The following THNSL1 variants were observed in gnomAD, a reference collection of about 807,000 sequenced individuals.
THNSL1 encodes the protein threonine synthase like 1, also known as threonine synthase-like 1.
THNSL1 carries 48 observed loss-of-function variants against 50.4 expected under a neutral mutation model. The observed-to-expected ratio is 0.95, with a 90% CI of 0.76 to 1.21. The LOEUF is 1.21. Among genes scored for constraint, THNSL1 ranks in the 50% most tolerant of loss-of-function variants. THNSL1 has a pLI of 0.00. For synonymous variants in THNSL1, 309 were observed against 306.1 expected (o/e 1.01, Z -0.10); for missense variants, 896 against 871.7 (o/e 1.03, Z -0.35).
the THNSL1 span, among the ~76,000 whole-genome samples, chr10:24,972,152 A>T: frequency 6.6e-6 from 1 of 151,546 alleles, no homozygotes; most frequent in African/African-American, 2.4e-5. Flanking sequence ...AGATGGCGCC[A>T]TTGCACTCCA....
At chr10:24,956,935 G>GCC in the THNSL1 span, among the ~76,000 whole-genome samples, 1 of 152,162 alleles carries the variant, frequency 6.6e-6, no homozygotes, top group African/African-American at 2.4e-5. Context: ...GATCTAGGTT[G>GCC]CATGCTCCTT....
chr10:24,988,433 A>AT, the THNSL1 span, among the ~76,000 whole-genome samples: 1,309 of 145,506 alleles, frequency 9.0e-3, 22 homozygotes, highest in African/African-American at 0.03. Context: ...AGTAAAATTT[A>AT]TTTTTTATAT....
intron 1 of THNSL1, among the ~76,000 whole-genome samples, chr10:25,017,802 T>C (rs1850637539): frequency 6.6e-6 from 1 of 152,146 alleles, no homozygotes; most frequent in African/African-American, 2.4e-5. Flanking sequence ...CGCCCTTGAG[T>C]ATTTTATGTT....
the THNSL1 span, among the ~76,000 whole-genome samples, chr10:24,973,788 C>G: frequency 4.6e-5 from 7 of 152,122 alleles, no homozygotes; most frequent in Non-Finnish European, 8.8e-5. Context: ...GAGTCTCCCT[C>G]TTTCGCCCAG....
chr10:24,979,494 A>G, the THNSL1 span, among the ~76,000 whole-genome samples: 7 of 151,900 alleles, frequency 4.6e-5, no homozygotes, highest in Non-Finnish European at 8.8e-5. Flanking sequence ...CCTTTCTTGA[A>G]TTTTCTTGGC....
chr10:24,968,157 C>A, the THNSL1 span, among the ~76,000 whole-genome samples: 1 of 152,070 alleles, frequency 6.6e-6, no homozygotes, highest in Non-Finnish European at 1.5e-5. Context: ...CAAGTAAGAG[C>A]TTGGGCTATC....
At chr10:25,003,181 A>AATTAATTT in the THNSL1 span, among the ~76,000 whole-genome samples, 2 of 146,878 alleles carry the variant, frequency 1.4e-5, no homozygotes, top group African/African-American at 4.9e-5. Context: ...TTAATTAATT[A>AATTAATTT]ATTTATTTAT....
At chr10:24,988,636 C>G in the THNSL1 span, among the ~76,000 whole-genome samples, 1 of 85,982 alleles carries the variant, frequency 1.2e-5, no homozygotes, top group Non-Finnish European at 2.2e-5. Flanking sequence ...CTTTAGCTGG[C>G]CTGAAAATGT....
At chr10:24,997,371 G>A in the THNSL1 span, among the ~76,000 whole-genome samples, 1 of 149,608 alleles carries the variant, frequency 6.7e-6, no homozygotes. Context: ...GCAAAACCCT[G>A]CATTCCTTTT....
chr10:24,992,700 T>C, the THNSL1 span, among the ~76,000 whole-genome samples: 3 of 152,218 alleles, frequency 2.0e-5, no homozygotes, highest in African/African-American at 4.8e-5. Context: ...AACACTTTGT[T>C]GCTTTAAGTT....
chr10:24,985,093 A>G, the THNSL1 span, among the ~76,000 whole-genome samples: 7 of 152,192 alleles, frequency 4.6e-5, no homozygotes, highest in African/African-American at 1.7e-4. Context: ...GCCAAATCCC[A>G]TCCTTGACTG....
the THNSL1 span, among the ~76,000 whole-genome samples, chr10:24,993,912 T>C: frequency 2.0e-5 from 3 of 152,216 alleles, no homozygotes; most frequent in South Asian, 2.1e-4. Context: ...CATGGAGAAA[T>C]AATGGACTGG....
chr10:24,963,859 A>G, the THNSL1 span, among the ~76,000 whole-genome samples: 7 of 152,200 alleles, frequency 4.6e-5, no homozygotes, highest in African/African-American at 1.7e-4. Context: ...CATGCAGGAA[A>G]GGCTTCTCTA....
At chr10:24,987,837 T>A in the THNSL1 span, among the ~76,000 whole-genome samples, 4 of 152,124 alleles carry the variant, frequency 2.6e-5, no homozygotes, top group Non-Finnish European at 5.9e-5. Context: ...CACTGAGGAC[T>A]GTGTTTATTT....
the THNSL1 span, among the ~76,000 whole-genome samples, chr10:24,996,456 G>GTATA: frequency 3.6e-3 from 539 of 149,796 alleles, 2 homozygotes; most frequent in African/African-American, 0.013. Flanking sequence ...GTGTGTGTGT[G>GTATA]TATATATATA....
At chr10:24,990,670 C>A in the THNSL1 span, 2 of 1,445,078 alleles carry the variant, frequency 1.4e-6, no homozygotes, top group African/African-American at 1.4e-5. Context: ...CATATGGGTA[C>A]GTATCAACTG....
At chr10:24,952,670 G>T in the THNSL1 span, 1 of 843,358 alleles carries the variant, frequency 1.2e-6, no homozygotes, top group Non-Finnish European at 1.8e-6. This position sits in a 1 kb window ranked among gnomAD's most constrained non-coding sequence, Gnocchi z 5.1. Context: ...ATGGGGACGG[G>T]GACGGGGACG....
At chr10:24,971,076 C>G in the THNSL1 span, among the ~76,000 whole-genome samples, 1 of 151,722 alleles carries the variant, frequency 6.6e-6, no homozygotes, top group African/African-American at 2.4e-5. Flanking sequence ...CTAAACAAAC[C>G]ATCAAAGAGG....
intron 1 of THNSL1, among the ~76,000 whole-genome samples, chr10:25,017,246 C>T (rs1477026307): frequency 6.6e-6 from 1 of 152,188 alleles, no homozygotes; most frequent in East Asian, 1.9e-4. Flanking sequence ...TTCTGAGAAG[C>T]GGTTTTATTC....
Sources: gnomAD v4.1 joint callset for allele counts (sites outside exome capture counted in the v4.1 genomes callset) on GRCh38, gnomAD v4.1.1 for gene constraint, Gnocchi (gnomAD v3.1) non-coding constraint, MANE v1.5 for transcripts, NCBI Gene and HGNC (gene_info 2026-07-23, HGNC 2026-07-21) for gene names.